Variants in PTPRF observed in about 807,000 individuals in gnomAD.
PTPRF encodes protein tyrosine phosphatase receptor type F.
A neutral mutation model predicts 201.8 loss-of-function variants in PTPRF; 59 were observed. That is an observed-to-expected ratio of 0.29 (90% CI 0.24 to 0.36). The LOEUF (loss-of-function observed/expected upper bound fraction) is 0.36. PTPRF is among the 10% of genes least tolerant of loss of function. The probability of loss-of-function intolerance (pLI) is 1.00; values close to 1 mark genes in which losing one functional copy is unlikely to be tolerated. For synonymous variants in PTPRF, 1,088 were observed against 1,089.7 expected, an observed-to-expected ratio of 1.00 and a Z score of 0.03; for missense variants, 2,132 against 2,690.5, an observed-to-expected ratio of 0.79 and a Z score of 4.59.
At chr1:43,595,305 C>T (rs1054004221) in intron 11 of PTPRF, among the ~76,000 whole-genome samples, 9 of 152,172 alleles carry the variant, frequency 5.9e-5, no homozygotes, top group Non-Finnish European at 8.8e-5. Flanking sequence ...CCGTCCACCT[C>T]CTGGGTTCAG....
At chr1:43,613,020 C>T (rs1656849736) in intron 22 of PTPRF, 38 of 372,646 alleles carry the variant, frequency 1.0e-4, no homozygotes, top group South Asian at 8.0e-4. Flanking sequence ...CCCACCGGCC[C>T]CGTCTCTGTT....
chr1:43,577,079 T>C (rs1466553127), intron 6 of PTPRF, among the ~76,000 whole-genome samples: 2 of 152,150 alleles, frequency 1.3e-5, no homozygotes, highest in Non-Finnish European at 2.9e-5. Flanking sequence ...TGACCACTCT[T>C]AGGCTCTTGT....
chr1:43,596,822 T>C (rs1295443980), intron 11 of PTPRF, among the ~76,000 whole-genome samples: 2 of 152,218 alleles, frequency 1.3e-5, no homozygotes, highest in Non-Finnish European at 2.9e-5. Context: ...GTATGTTTTG[T>C]GTGAGACAGC....
chr1:43,556,397 G>A (rs914833934), intron 5 of PTPRF, among the ~76,000 whole-genome samples: 1 of 152,210 alleles, frequency 6.6e-6, no homozygotes, highest in Non-Finnish European at 1.5e-5. Context: ...AAGTAGCTGG[G>A]ACTACTGGCA....
chr1:43,546,477 T>C lies in PTPRF; in HGVS notation c.91+1311T>C, dbSNP rs1644681752. On this transcript the variant is annotated intron_variant, in intron 3 of 33. Transcript: ENST00000359947. This position sits in a 1 kb window ranked among gnomAD's most constrained non-coding sequence, Gnocchi z 4.2. ...GGGCAGGTTGGAGTAGAAAGCCTTA[T>C]CAGGTGTGACCCACATGGTTGGCAG... 6.6e-6 allele frequency among the ~76,000 whole-genome samples: 1 copy of C among 152,084 alleles called. No homozygotes were observed. Among genetic ancestry groups the C allele is most frequent in the African/African-American group, 2.4e-5 (1 of 41,390 alleles).
chr1:43,583,071 T>C, intron 7 of PTPRF: 1 of 985,664 alleles, frequency 1.0e-6, no homozygotes. Flanking sequence ...ACCCAAACTC[T>C]CATCTCTCAG....
intron 5 of PTPRF, among the ~76,000 whole-genome samples, chr1:43,558,663 T>G (rs368220533): frequency 6.6e-6 from 1 of 152,166 alleles, no homozygotes; most frequent in South Asian, 2.1e-4. Context: ...TCCGCACTCT[T>G]GAGGCGGCGG....
chr1:43,528,038 C>T (rs1255956542), upstream of PTPRF, among the ~76,000 whole-genome samples: 1 of 152,190 alleles, frequency 6.6e-6, no homozygotes, highest in East Asian at 1.9e-4. Context: ...CTCATTTCTC[C>T]TGCCTGCAAG....
chr1:43,600,460 G>A (rs1020526091), intron 13 of PTPRF, among the ~76,000 whole-genome samples: 2 of 150,920 alleles, frequency 1.3e-5, no homozygotes, highest in African/African-American at 2.5e-5. Flanking sequence ...GGCCTGCTCC[G>A]TAGCCCTCTC....
chr1:43,537,790 G>C lies in PTPRF; in HGVS notation c.-125-408G>C, dbSNP rs1181844748. On this transcript the variant is annotated intron_variant, in intron 1 of 33. Transcript: ENST00000359947. The surrounding 1 kb of genome is among the most constrained non-coding windows in gnomAD (Gnocchi z 4.8). ...CAGGAAGAAATTTGGCACATTTGAG[G>C]ATCAGAAGAGGAAGTTCCCGTTCTG... 2.0e-5 allele frequency among the ~76,000 whole-genome samples: 3 copies of C among 152,182 alleles called. No homozygotes were observed.
intron 23 of PTPRF, among the ~76,000 whole-genome samples, chr1:43,614,633 C>T (rs932662522): frequency 6.6e-6 from 1 of 152,100 alleles, no homozygotes; most frequent in Non-Finnish European, 1.5e-5. Context: ...GGTGGATCAC[C>T]TGAGGTCGAG....
intron 1 of PTPRF, among the ~76,000 whole-genome samples, chr1:43,532,377 C>T (rs1310937831): frequency 1.3e-5 from 2 of 152,216 alleles, no homozygotes; most frequent in Non-Finnish European, 2.9e-5. Flanking sequence ...TGGGGGTTGT[C>T]TGGATCTCCC....
intron 5 of PTPRF, among the ~76,000 whole-genome samples, chr1:43,565,821 C>T (rs941466651): frequency 6.6e-6 from 1 of 152,126 alleles, no homozygotes; most frequent in Non-Finnish European, 1.5e-5. Flanking sequence ...AGGGCGGTGC[C>T]AGGGCGGACA....
At chr1:43,540,613 A>G (rs1003698092) in intron 2 of PTPRF, among the ~76,000 whole-genome samples, 7 of 152,158 alleles carry the variant, frequency 4.6e-5, no homozygotes, top group South Asian at 2.1e-4. Context: ...GCCGCCTCCA[A>G]GTCTCTGCGA....
At chr1:43,574,211 G>A (rs549718717) in intron 6 of PTPRF, among the ~76,000 whole-genome samples, 9 of 151,730 alleles carry the variant, frequency 5.9e-5, no homozygotes, top group Non-Finnish European at 1.2e-4. Context: ...GGTCAGACTG[G>A]TCTTGAACTC....
intron 6 of PTPRF, among the ~76,000 whole-genome samples, chr1:43,575,349 G>T (rs1646851331): frequency 6.6e-6 from 1 of 152,108 alleles, no homozygotes; most frequent in East Asian, 1.9e-4. Context: ...GGCTTTCTAG[G>T]GACTCTGTCT....
intron 2 of PTPRF, among the ~76,000 whole-genome samples, chr1:43,540,408 A>G (rs531085112): frequency 3.2e-4 from 48 of 152,116 alleles, no homozygotes; most frequent in African/African-American, 1.1e-3. Context: ...GGGGCAGGAG[A>G]AGGACATTTT....
chr1:43,603,772 G>A lies in PTPRF; in HGVS notation c.2620G>A (p.Asp874Asn), dbSNP rs758580532. 1 of 1,614,074 alleles carries A rather than the reference G, an allele frequency of 6.2e-7. No homozygotes were observed. The highest frequency in any genetic ancestry group is 8.5e-7 in the Non-Finnish European group (1 of 1,180,042). The change falls in exon 16 of 34, where the codon GAC becomes AAC. Residue 874 changes from aspartate (D) to asparagine (N), a missense_variant. Physicochemically the swap from Asp to Asn is conservative, Grantham distance 23. Coordinates refer to ENST00000359947, the MANE Select transcript of PTPRF (RefSeq NM_002840.5). The surrounding 1 kb of genome is among the most constrained non-coding windows in gnomAD (Gnocchi z 5.8). ...RPNTIDFGKD[D>N]QHFTVTGLHK... ...CAACACCATAGATTTCGGCAAGGAT[G>A]ACCAGCACTTCACAGTCACCGGCCT... is the stretch of plus-strand genomic sequence containing the variant.
rs780169195 is a variant in PTPRF, at chr1:43,592,621, G to A, written c.1813+20G>A. On this transcript the variant is annotated intron_variant, in intron 11 of 33. Coordinates refer to ENST00000359947, the MANE Select transcript of PTPRF (RefSeq NM_002840.5). ...AGTCCAGTAAGTGTCTCCCAAGTCC[G>A]CTGCCTGTTACACCTGGGCTGGGAC... 1.5e-5 allele frequency: 24 copies of A among 1,560,440 alleles called. No individual in the cohort carries two copies. Among genetic ancestry groups the A allele is most frequent in the East Asian group, 4.6e-5 (2 of 43,472 alleles).
Sources: allele counts gnomAD v4.1 joint callset (sites outside exome capture counted in the v4.1 genomes callset), GRCh38; gene constraint gnomAD v4.1.1; non-coding constraint Gnocchi (gnomAD v3.1); transcripts MANE v1.5; gene names NCBI Gene and HGNC (gene_info 2026-07-23, HGNC 2026-07-21).